Variants in GPR55 observed in about 807,000 individuals in gnomAD.
GPR55 encodes the protein G protein-coupled receptor 55, also known as G-protein coupled receptor 55.
Under a neutral mutation model 7.9 loss-of-function variants are expected in GPR55, and 6 were observed. The observed-to-expected ratio is 0.76, with a 90% confidence interval of 0.41 to 1.49. The LOEUF is 1.49. Ranked by LOEUF, GPR55 falls within the 40% of genes most tolerant of loss-of-function variation. The probability of loss-of-function intolerance (pLI) is 0.01; values close to 1 mark genes in which losing one functional copy is unlikely to be tolerated. For missense variants in GPR55, 376 were observed against 406.0 expected (o/e 0.93, Z 0.63); for synonymous variants, 183 against 166.8 (o/e 1.10, Z -0.75).
intron 1 of GPR55, among the ~76,000 whole-genome samples, chr2:230,943,201 C>A (rs1691261569): frequency 6.6e-6 from 1 of 152,168 alleles, no homozygotes; most frequent in Admixed American, 6.5e-5. Flanking sequence ...CCATCCCGGG[C>A]AGTGCTTGGA....
chr2:230,950,965 TC>T (rs559616660), intron 1 of GPR55, among the ~76,000 whole-genome samples: 4 of 152,154 alleles, frequency 2.6e-5, no homozygotes, highest in Admixed American at 6.5e-5. Context: ...ACACGGAGGT[TC>T]CTGGAAGCTC....
chr2:230,910,973 A>G lies in GPR55; in HGVS notation c.-11T>C. On this transcript the variant is annotated 5_prime_UTR_variant, in exon 2 of 2. Coordinates refer to ENST00000650999, the MANE Select transcript of GPR55 (RefSeq NM_005683.4). The surrounding 1 kb of genome is among the most constrained non-coding windows in gnomAD (Gnocchi z 5.4). The stretch of plus-strand genomic sequence containing the variant: ...GTTTTGCTGACTCATGTTTCTTCCT[A>G]CAACACCAACAGATCAGACGGGGCT... 6.3e-7 allele frequency: 1 copy of G among 1,582,676 alleles called. No individual in the cohort carries two copies. Among genetic ancestry groups the G allele is most frequent in the Non-Finnish European group, 8.6e-7 (1 of 1,160,534 alleles).
At chr2:230,957,714 C>G (rs1436443344) in intron 1 of GPR55, 1 of 549,120 alleles carries the variant, frequency 1.8e-6, no homozygotes, top group Non-Finnish European at 3.7e-6. Flanking sequence ...TCATTAGGAT[C>G]TGTTGTGGCT....
chr2:230,960,146 C>G (rs1050146335), intron 1 of GPR55, among the ~76,000 whole-genome samples: 13 of 152,192 alleles, frequency 8.5e-5, no homozygotes, highest in Admixed American at 8.5e-4. Context: ...TGTCCCAGAG[C>G]CTTAATCACA....
At chr2:230,912,770 G>A (rs557722107) in intron 1 of GPR55, among the ~76,000 whole-genome samples, 5 of 152,226 alleles carry the variant, frequency 3.3e-5, no homozygotes, top group Non-Finnish European at 7.3e-5. Context: ...TAAAGCTTCT[G>A]TTATTATTTT....
At chr2:230,952,648 A>T (rs1691422406) in intron 1 of GPR55, among the ~76,000 whole-genome samples, 2 of 152,192 alleles carry the variant, frequency 1.3e-5, no homozygotes, top group African/African-American at 4.8e-5. Context: ...AAGCTCAGGG[A>T]CTGCAGAGAG....
At position 230,910,670 on chromosome 2, in the gene GPR55, TC is replaced by T. The variant is rs1690571090; in HGVS notation, c.292del (p.Glu98SerfsTer32). 2 of 1,612,896 alleles carry T rather than the reference TC, an allele frequency of 1.2e-6. No homozygotes were observed. The highest frequency in any genetic ancestry group is 4.5e-5 in the East Asian group (2 of 44,872). On this transcript the variant is annotated frameshift_variant, in exon 2 of 2. Transcript: ENST00000650999. LOFTEE classifies it high-confidence loss of function. The surrounding 1 kb of genome is among the most constrained non-coding windows in gnomAD (Gnocchi z 5.4). Reference sequence around the variant, plus strand: ...GTACATGCTGACGAAGTAAAGGCACTCCACCAGGGTGCACAGGGACGGGAAG... The same window carrying T: ...GTACATGCTGACGAAGTAAAGGCACTCACCAGGGTGCACAGGGACGGGAAG... Reference protein sequence around the residue: ...SPFPSLCTLVECLYFVSMYGS... With the variant: ...SPFPSLCTLVXCLYFVSMYGS...
intron 1 of GPR55, among the ~76,000 whole-genome samples, chr2:230,958,515 C>T (rs753463728): frequency 6.6e-6 from 1 of 152,142 alleles, no homozygotes; most frequent in African/African-American, 2.4e-5. Context: ...TACCCATTAA[C>T]CATTCCTACC....
chr2:230,910,160 A>C lies in GPR55; in HGVS notation c.803T>G (p.Phe268Cys). The change falls in exon 2 of 2, where the codon TTC becomes TGC. Residue 268 changes from phenylalanine to cysteine, a missense_variant. Coordinates refer to ENST00000650999, the MANE Select transcript of GPR55 (RefSeq NM_005683.4). This position sits in a 1 kb window ranked among gnomAD's most constrained non-coding sequence, Gnocchi z 5.4. The part of the protein sequence containing the change: ...VECRAKQSIS[F>C]FLQLSMCFSN... ...GAAACACATGGACAATTGCAAGAAG[A>C]AGCTGATGCTCTGCTTGGCTCTGCA... The C allele has an allele frequency of 6.2e-7, 1 of 1,614,144 alleles. No individual in the cohort carries two copies. Among genetic ancestry groups the C allele is most frequent in the Middle Eastern group, 1.6e-4 (1 of 6,062 alleles).
Position 230,924,166 on chromosome 2 carries a change from G to A in GPR55, c.-135+1002C>T, listed in dbSNP as rs1561326. Among the ~76,000 whole-genome samples, 2,284 of 152,250 alleles carry A rather than the reference G, an allele frequency of 0.015. 210 individuals carry two copies. The East Asian group carries it at 0.27, about 18-fold the overall frequency. On this transcript the variant is annotated intron_variant, in intron 1 of 1. Transcript: ENST00000650999. This position sits in a 1 kb window ranked among gnomAD's most constrained non-coding sequence, Gnocchi z 4.5. The stretch of plus-strand genomic sequence containing the variant: ...CACCGAGCCTCACATACAGTTTGTC[G>A]TTGGGAAGGTCTTATTGCATGAAAG...
chr2:230,916,077 AC>A (rs1276550311), intron 1 of GPR55, among the ~76,000 whole-genome samples: 1 of 151,906 alleles, frequency 6.6e-6, no homozygotes, highest in Non-Finnish European at 1.5e-5. Context: ...AAAAAAAAAA[AC>A]AGAAGAGATT....
chr2:230,943,126 A>G (rs945573236), intron 1 of GPR55, among the ~76,000 whole-genome samples: 7 of 151,754 alleles, frequency 4.6e-5, no homozygotes, highest in Admixed American at 4.6e-4. Context: ...GAGGAGAGAG[A>G]GAGCGCTCTC....
At chr2:230,940,836 A>G (rs73992991) in intron 1 of GPR55, among the ~76,000 whole-genome samples, 24,204 of 152,148 alleles carry the variant, frequency 0.16, 5,528 homozygotes, top group African/African-American at 0.51. Flanking sequence ...GGGGTTGGAG[A>G]CCAGGCATGG....
intron 1 of GPR55, among the ~76,000 whole-genome samples, chr2:230,932,242 G>T (rs2125062091): frequency 6.6e-6 from 1 of 152,320 alleles, no homozygotes; most frequent in East Asian, 1.9e-4. Context: ...TTTGTGGGAG[G>T]CATCCAGAGG....
rs1199932023 is a variant in GPR55, at chr2:230,911,019, A to G, written c.-57T>C. The G allele has an allele frequency of 2.0e-6, 3 of 1,510,360 alleles. No individual in the cohort carries two copies. The highest frequency in any genetic ancestry group is 2.7e-6 in the Non-Finnish European group (3 of 1,121,460). The allele number at this position is 1,510,360 out of a possible 1,614,324, so 93.6% of individuals were successfully genotyped here. ...GGGCTCCTTTCACTCTCTTGAAGTG[A>G]TGGATTCAAATGACTTTGTCAAGAA... On this transcript the variant is annotated 5_prime_UTR_variant, in exon 2 of 2. Transcript: ENST00000650999.
chr2:230,919,983 G>T (rs1184416529), intron 1 of GPR55, among the ~76,000 whole-genome samples: 1 of 139,638 alleles, frequency 7.2e-6, no homozygotes, highest in Non-Finnish European at 1.5e-5. Context: ...ACGCATAGAG[G>T]GGAAAAAAAA....
intron 1 of GPR55, among the ~76,000 whole-genome samples, chr2:230,941,549 A>G (rs568940295): frequency 1.4e-3 from 220 of 152,234 alleles, no homozygotes; most frequent in African/African-American, 5.1e-3. Context: ...CCCTGGGACC[A>G]CCACCTACCA....
upstream of GPR55, among the ~76,000 whole-genome samples, chr2:230,926,462 G>C (rs778144166): frequency 6.6e-6 from 1 of 152,162 alleles, no homozygotes; most frequent in Non-Finnish European, 1.5e-5. Context: ...TGGGCAAGGG[G>C]GGGCAGCCAG....
At chr2:230,939,089 G>A (rs1378481081) in intron 1 of GPR55, among the ~76,000 whole-genome samples, 2 of 152,204 alleles carry the variant, frequency 1.3e-5, no homozygotes, top group Non-Finnish European at 2.9e-5. Flanking sequence ...ATGAGCACTC[G>A]CCGCAACCTA....
Sources: allele counts gnomAD v4.1 joint callset (sites outside exome capture counted in the v4.1 genomes callset), GRCh38; gene constraint gnomAD v4.1.1; non-coding constraint Gnocchi (gnomAD v3.1); transcripts MANE v1.5; gene names NCBI Gene and HGNC (gene_info 2026-07-23, HGNC 2026-07-21).